HIF3A: variants seen among roughly 807,000 people sequenced by gnomAD.
HIF3A encodes hypoxia inducible factor 3 subunit alpha, also known as hypoxia-inducible factor 3-alpha.
Under a neutral mutation model 67.2 loss-of-function variants are expected in HIF3A, and 41 were observed. The observed-to-expected ratio is 0.61, with a 90% CI of 0.48 to 0.79. The LOEUF is 0.79. Among genes scored for constraint, HIF3A ranks in the 30% least tolerant of loss-of-function variants. The pLI, the probability that HIF3A is intolerant of heterozygous loss-of-function variation, is 0.00. For missense variants in HIF3A, 855 were observed against 898.0 expected, an observed-to-expected ratio of 0.95 and a Z score of 0.61; for synonymous variants, 356 against 374.8, an observed-to-expected ratio of 0.95 and a Z score of 0.58.
intron 3 of HIF3A, among the ~76,000 whole-genome samples, chr19:46,308,014 A>G (rs897156915): frequency 6.6e-6 from 1 of 151,580 alleles, no homozygotes; most frequent in Non-Finnish European, 1.5e-5. Context: ...AGATAGATAG[A>G]TAGATGAGGG....
At chr19:46,316,345 G>A (rs1447387878) in intron 8 of HIF3A, among the ~76,000 whole-genome samples, 2 of 152,126 alleles carry the variant, frequency 1.3e-5, no homozygotes, top group East Asian at 1.9e-4. Flanking sequence ...CCAGCATTTC[G>A]CATTGTCTGG....
chr19:46,329,246 A>G lies in HIF3A; in HGVS notation c.1480A>G (p.Ile494Val), dbSNP rs768941779. ...ALDLEMLAPY[I>V]SMDDDFQLNA... ...GGATTTGGAGATGCTGGCCCCCTAC[A>G]TCTCCATGGATGATGACTTCCAGCT... The change falls in exon 12 of 15, where the codon ATC (isoleucine) becomes GTC (valine). Residue 494 changes from isoleucine (I) to valine (V), a missense_variant. Coordinates refer to ENST00000377670, the MANE Select transcript of HIF3A (RefSeq NM_152795.4). 4.3e-6 allele frequency: 7 copies of G among 1,612,150 alleles called. No homozygotes were observed. Among genetic ancestry groups the G allele is most frequent in the South Asian group, 1.1e-5 (1 of 90,942 alleles).
At chr19:46,303,828 C>T (rs1345807452) in intron 1 of HIF3A, 70 bp from the exon 2 acceptor site, 6 of 1,542,600 alleles carry the variant, frequency 3.9e-6, no homozygotes, top group Non-Finnish European at 5.3e-6. Context: ...TGGCAGCTCC[C>T]CACGTGCTCG....
chr19:46,312,022 T>C lies in HIF3A; in HGVS notation c.771-139T>C. 3.8e-6 allele frequency: 3 copies of C among 782,406 alleles called. No individual in the cohort carries two copies. The South Asian group carries it at 4.1e-5, about 11-fold the overall frequency. 48.5% of individuals were successfully genotyped at this position (782,406 alleles called of 1,614,324 possible). Reference sequence around the variant, plus strand: ...ACCACACTCCTCTTGTTCTGTTTCTTACTCCTTTTCTCTCGGTTACAATCC... The same window carrying C: ...ACCACACTCCTCTTGTTCTGTTTCTCACTCCTTTTCTCTCGGTTACAATCC... On this transcript the variant is annotated intron_variant, in intron 6 of 14. Coordinates refer to ENST00000377670, the MANE Select transcript of HIF3A (RefSeq NM_152795.4).
Position 46,312,218 on chromosome 19 carries a change from G to A in HIF3A, c.828G>A (p.Glu276=), listed in dbSNP as rs1393038734. The A allele has an allele frequency of 1.2e-6, 2 of 1,613,954 alleles. No individual in the cohort carries two copies. The highest frequency in any genetic ancestry group is 2.2e-5 in the East Asian group (1 of 44,866). ...PDDLIGCSAY[E]YIHALDSDAV... ...ACCTGATCGGCTGTTCCGCCTACGAGTACATCCACGCGCTGGACTCCGATG... is the reference window on the plus strand; with the variant it reads ...ACCTGATCGGCTGTTCCGCCTACGAATACATCCACGCGCTGGACTCCGATG... The change falls in exon 7 of 15, where the codon GAG becomes GAA. Residue 276 remains glutamate, a synonymous_variant. Coordinates refer to ENST00000377670, the MANE Select transcript of HIF3A (RefSeq NM_152795.4).
At chr19:46,338,627 C>A in intron 14 of HIF3A, 1 of 634,956 alleles carries the variant, frequency 1.6e-6, no homozygotes, top group Non-Finnish European at 2.0e-6. Context: ...AAAACACCTT[C>A]CATGGATTTA....
At chr19:46,300,946 A>G (rs62135342) in intron 1 of HIF3A, among the ~76,000 whole-genome samples, 129,188 of 150,970 alleles carry the variant, frequency 0.86, 55,103 homozygotes, top group Non-Finnish European at 0.88. Flanking sequence ...GAGGTGGGGC[A>G]CTGGCCCCAC....
At chr19:46,298,357 T>C (rs1968028611) in intron 1 of HIF3A, 2 of 1,278,422 alleles carry the variant, frequency 1.6e-6, no homozygotes, top group Non-Finnish European at 2.0e-6. Flanking sequence ...TTGGCTGAGC[T>C]CGGGTGCCCC....
At chr19:46,322,506 C>T (rs1970448532) in intron 10 of HIF3A, among the ~76,000 whole-genome samples, 1 of 152,156 alleles carries the variant, frequency 6.6e-6, no homozygotes, top group Non-Finnish European at 1.5e-5. Flanking sequence ...GTGGCGCAAT[C>T]TCGGCTCACT....
chr19:46,317,436 G>A (rs141495806), intron 8 of HIF3A, among the ~76,000 whole-genome samples: 1 of 152,100 alleles, frequency 6.6e-6, no homozygotes, highest in Non-Finnish European at 1.5e-5. Flanking sequence ...GAAAAGCCAA[G>A]GGCGTTGGTG....
chr19:46,307,338 C>T (rs1366370941), intron 3 of HIF3A, among the ~76,000 whole-genome samples: 1 of 152,156 alleles, frequency 6.6e-6, no homozygotes, highest in East Asian at 1.9e-4. Flanking sequence ...GCAGTAGCTC[C>T]CACCTGTAAT....
intron 8 of HIF3A, among the ~76,000 whole-genome samples, chr19:46,314,230 T>C (rs928445131): frequency 8.1e-5 from 12 of 147,816 alleles, no homozygotes; most frequent in African/African-American, 2.9e-4. Flanking sequence ...GAAACTGCCA[T>C]GGCTGGGCAC....
intron 8 of HIF3A, among the ~76,000 whole-genome samples, chr19:46,318,570 AG>A (rs1970113508): frequency 6.7e-6 from 1 of 149,956 alleles, no homozygotes; most frequent in South Asian, 2.1e-4. Flanking sequence ...AAAAAAAAAA[AG>A]TAAACAGAAG....
At chr19:46,300,933 T>G (rs1968267315) in intron 1 of HIF3A, among the ~76,000 whole-genome samples, 1 of 152,040 alleles carries the variant, frequency 6.6e-6, no homozygotes, top group African/African-American at 2.4e-5. Flanking sequence ...CCCAGCTGCC[T>G]GGGAGGTGGG....
intron 8 of HIF3A, among the ~76,000 whole-genome samples, chr19:46,319,585 A>G (rs1970200588): frequency 1.3e-5 from 2 of 152,224 alleles, no homozygotes; most frequent in African/African-American, 4.8e-5. Flanking sequence ...ATAAAATCTT[A>G]TTCATAAAAA....
intron 1 of HIF3A, among the ~76,000 whole-genome samples, chr19:46,301,087 C>T (rs1968289622): frequency 6.6e-6 from 1 of 152,102 alleles, no homozygotes; most frequent in African/African-American, 2.4e-5. Flanking sequence ...CTCAGGCAGG[C>T]AGGACTGAGG....
rs962207775 is a variant in HIF3A at position 46,335,586 on chromosome 19, A to G, written c.1912+600A>G. The stretch of plus-strand genomic sequence containing the variant: ...CACCCAGCCTAAAAATTTTTTTTTA[A>G]TTGGCTGGGCATGGTGGTGCATGCC... On this transcript the variant is annotated intron_variant, in intron 14 of 14. Coordinates refer to ENST00000377670, the MANE Select transcript of HIF3A (RefSeq NM_152795.4). Among the ~76,000 whole-genome samples the G allele has an allele frequency of 2.0e-5, 3 of 151,840 alleles. No homozygotes were observed. The East Asian group carries it at 5.8e-4, about 29-fold the overall frequency.
intron 5 of HIF3A, 40 bp from the exon 6 acceptor site, chr19:46,309,111 C>A: frequency 6.4e-7 from 1 of 1,562,966 alleles, no homozygotes; most frequent in Non-Finnish European, 8.8e-7. Flanking sequence ...GTCTCAGGCC[C>A]AGAGGCACCA....
chr19:46,315,433 C>G (rs1568520373), intron 8 of HIF3A, among the ~76,000 whole-genome samples: 1 of 144,548 alleles, frequency 6.9e-6, no homozygotes, highest in African/African-American at 2.5e-5. Context: ...ATGAATAGAG[C>G]ACAGTTTTTT....
Sources: gnomAD v4.1 joint callset for allele counts (sites outside exome capture counted in the v4.1 genomes callset) on GRCh38, gnomAD v4.1.1 for gene constraint, MANE v1.5 for transcripts, NCBI Gene and HGNC (gene_info 2026-07-23, HGNC 2026-07-21) for gene names.